The following IGDCC3 variants were observed in gnomAD, a reference collection of about 807,000 sequenced individuals.
The protein encoded by IGDCC3 is putative neuronal cell adhesion molecule.
A neutral mutation model predicts 72.0 loss-of-function variants in IGDCC3; 47 were observed. The ratio of observed to expected loss-of-function variants is 0.65; its 90% CI spans 0.52 to 0.83. IGDCC3 has a LOEUF of 0.83. IGDCC3 is among the 40% of genes least tolerant of loss of function. IGDCC3 has a pLI of 0.00. For synonymous variants in IGDCC3, 477 were observed against 472.8 expected, an observed-to-expected ratio of 1.01 and a Z score of -0.11; for missense variants, 1,038 against 1,091.3, an observed-to-expected ratio of 0.95 and a Z score of 0.69.
intron 5 of IGDCC3, 66 bp from the exon 6 acceptor site, chr15:65,333,481 G>A (rs1168332364): frequency 2.8e-6 from 4 of 1,433,722 alleles, no homozygotes; most frequent in East Asian, 5.0e-5. Context: ...GAAAGTAAAG[G>A]AAACTTCCAG....
At chr15:65,354,638 AT>A (rs2091200438) in intron 2 of IGDCC3, among the ~76,000 whole-genome samples, 1 of 152,148 alleles carries the variant, frequency 6.6e-6, no homozygotes, top group African/African-American at 2.4e-5. Flanking sequence ...CCTAGAACAA[AT>A]ACTAGGTAAA....
At chr15:65,363,703 C>A (rs1363449068) in intron 2 of IGDCC3, among the ~76,000 whole-genome samples, 1 of 151,842 alleles carries the variant, frequency 6.6e-6, no homozygotes, top group Non-Finnish European at 1.5e-5. Flanking sequence ...CCTTCTCAAG[C>A]CATTCCAGTT....
chr15:65,333,098 C>T (rs1446023435), intron 6 of IGDCC3, among the ~76,000 whole-genome samples, 159 bp downstream of exon 6: 1 of 152,232 alleles, frequency 6.6e-6, no homozygotes, highest in Non-Finnish European at 1.5e-5. Flanking sequence ...TCGGGAAGAA[C>T]GCACCGCCTT....
At chr15:65,364,832 G>T (rs1322660824) in intron 2 of IGDCC3, among the ~76,000 whole-genome samples, 1 of 152,180 alleles carries the variant, frequency 6.6e-6, no homozygotes, top group African/African-American at 2.4e-5. Flanking sequence ...CCTGAGCCAA[G>T]ATCGCACCAC....
At chr15:65,345,674 G>A (rs2091119363) in intron 2 of IGDCC3, among the ~76,000 whole-genome samples, 1 of 152,076 alleles carries the variant, frequency 6.6e-6, no homozygotes, top group Admixed American at 6.6e-5. Flanking sequence ...AAGGATGAAA[G>A]CACCAGAGCC....
chr15:65,337,703 C>A (rs2091043735), intron 2 of IGDCC3, among the ~76,000 whole-genome samples: 1 of 152,142 alleles, frequency 6.6e-6, no homozygotes. Flanking sequence ...CTCTAGCCCT[C>A]CACCTCCAGG....
Position 65,370,620 on chromosome 15 carries a change from G to GTATATATATA in IGDCC3, c.409+4467_409+4476dup, listed in dbSNP as rs71136346. On this transcript the variant is annotated intron_variant, in intron 2 of 13. Transcript: ENST00000327987. ...TATGTATGTGTATATATATGTATGT[G>GTATATATATA]TATATATATATATATATATATATAT... 5.8e-3 allele frequency among the ~76,000 whole-genome samples: 549 copies of GTATATATATA among 94,516 alleles called. 10 individuals carry two copies. The East Asian group carries it at 0.075, about 13-fold the overall frequency. 62.0% of individuals were successfully genotyped at this position (94,516 alleles called of 152,430 possible).
rs539748974 is a variant in IGDCC3, at chr15:65,368,422, A to C, written c.409+6675T>G. Reference sequence around the variant, plus strand: ...ACAATGCCAGGAACAGGAACAGAGAAGATTTGCACATTGTGTTTAAGGGGC... The same window carrying C: ...ACAATGCCAGGAACAGGAACAGAGACGATTTGCACATTGTGTTTAAGGGGC... On this transcript the variant is annotated intron_variant, in intron 2 of 13. Transcript: ENST00000327987. Among the ~76,000 whole-genome samples the C allele has an allele frequency of 3.2e-3, 493 of 152,274 alleles. 1 individual carries two copies. Among genetic ancestry groups the C allele is most frequent in the Non-Finnish European group, 5.2e-3 (351 of 68,010 alleles).
chr15:65,366,840 C>G (rs540670286), intron 2 of IGDCC3, among the ~76,000 whole-genome samples: 1 of 149,774 alleles, frequency 6.7e-6, no homozygotes, highest in South Asian at 2.1e-4. Flanking sequence ...TATCGTGAGT[C>G]CAGGTGCCCA....
At position 65,377,613 on chromosome 15, in the gene IGDCC3, C is replaced by A; in HGVS notation, c.103+73G>T. ...CCGCTCTCCCCGGGTCCGCCCCTCG[C>A]GCCCGCTCCCTCCCTGCTCGCCCTT... On this transcript the variant is annotated intron_variant, in intron 1 of 13. Coordinates refer to ENST00000327987, the MANE Select transcript of IGDCC3 (RefSeq NM_004884.4). The surrounding 1 kb of genome is among the most constrained non-coding windows in gnomAD (Gnocchi z 4.9). 1 of 1,316,770 alleles carries A rather than the reference C, an allele frequency of 7.6e-7. No homozygotes were observed. Among genetic ancestry groups the A allele is most frequent in the Non-Finnish European group, 9.7e-7 (1 of 1,032,790 alleles). 81.6% of individuals were successfully genotyped at this position (1,316,770 alleles called of 1,614,324 possible).
intron 2 of IGDCC3, among the ~76,000 whole-genome samples, chr15:65,340,226 T>C (rs1343901575): frequency 6.6e-6 from 1 of 152,132 alleles, no homozygotes; most frequent in Non-Finnish European, 1.5e-5. Flanking sequence ...GGGAACTCTC[T>C]TCCTGGTCCA....
intron 4 of IGDCC3, 149 bp downstream of exon 4, chr15:65,335,142 A>T: frequency 1.1e-6 from 1 of 882,334 alleles, no homozygotes. Flanking sequence ...ATTCCTGTGC[A>T]CCCTCACGCC....
At chr15:65,364,915 C>T (rs533622528) in intron 2 of IGDCC3, among the ~76,000 whole-genome samples, 5 of 152,186 alleles carry the variant, frequency 3.3e-5, no homozygotes, top group Non-Finnish European at 7.4e-5. Flanking sequence ...AGAACATGCA[C>T]GCCAGTGTTT....
intron 2 of IGDCC3, among the ~76,000 whole-genome samples, chr15:65,361,481 AAAG>A (rs1047648703): frequency 2.6e-5 from 4 of 151,808 alleles, no homozygotes; most frequent in Non-Finnish European, 5.9e-5. Flanking sequence ...ATGGAAAAGA[AAAG>A]AAATCCCTGG....
At chr15:65,343,808 T>C (rs2091102899) in intron 2 of IGDCC3, among the ~76,000 whole-genome samples, 1 of 152,162 alleles carries the variant, frequency 6.6e-6, no homozygotes, top group South Asian at 2.1e-4. Flanking sequence ...CACCTGCAAA[T>C]GTCCCATCTC....
At chr15:65,355,672 C>CCCCCCCCCA in intron 2 of IGDCC3, 1 of 268,316 alleles carries the variant, frequency 3.7e-6, no homozygotes. Context: ...CCCCCCGCCC[C>CCCCCCCCCA]TCCCGCATAG....
intron 2 of IGDCC3, among the ~76,000 whole-genome samples, chr15:65,369,469 C>T (rs191920392): frequency 3.3e-5 from 5 of 152,254 alleles, no homozygotes; most frequent in Admixed American, 2.6e-4. Context: ...TGTCTGAACC[C>T]CATCCATTTG....
chr15:65,335,301 G>A lies in IGDCC3; in HGVS notation c.675C>T (p.Leu225=). The part of the protein sequence containing the change: ...ASIRISHGAR[L]TVSGSGSGAY... ...CTGAAGGACCCTCACCTGACACAGT[G>A]AGCCTGGCCCCGTGGCTGATCCGGA... Residue 225 remains leucine (L), a synonymous_variant, in exon 4 of 14, where the codon CTC becomes CTT. Coordinates refer to ENST00000327987, the MANE Select transcript of IGDCC3 (RefSeq NM_004884.4). 4.3e-6 allele frequency: 7 copies of A among 1,610,734 alleles called. No homozygotes were observed. The highest frequency in any genetic ancestry group is 5.9e-6 in the Non-Finnish European group (7 of 1,178,306).
rs1413607872 is a variant in IGDCC3, at chr15:65,329,439, T to A, written c.2156A>T (p.Gln719Leu). The A allele has an allele frequency of 6.2e-7, 1 of 1,607,604 alleles. No homozygotes were observed. Among genetic ancestry groups the A allele is most frequent in the East Asian group, 2.2e-5 (1 of 44,802 alleles). Residue 719 changes from glutamine (Q) to leucine (L), a missense_variant, in exon 13 of 14, where the codon CAG becomes CTG. By Grantham distance (113) the Gln-to-Leu change is moderately radical (BLOSUM62 -2). Coordinates refer to ENST00000327987, the MANE Select transcript of IGDCC3 (RefSeq NM_004884.4). This position sits in a 1 kb window ranked among gnomAD's most constrained non-coding sequence, Gnocchi z 4.1. ...TGCTGCGCTGGCCGGGGGGAACAGC[T>A]GCTCCAGCTCCTTCATATCCACACG... ...EKRVDMKELEQLFPPASAAGQ... is the reference protein window; with the variant it reads ...EKRVDMKELELLFPPASAAGQ...
Sources: allele counts gnomAD v4.1 joint callset (sites outside exome capture counted in the v4.1 genomes callset), GRCh38; gene constraint gnomAD v4.1.1; non-coding constraint Gnocchi (gnomAD v3.1); transcripts MANE v1.5; gene names NCBI Gene and HGNC (gene_info 2026-07-23, HGNC 2026-07-21).